The following ADAMTSL3 variants were observed in gnomAD, a reference collection of about 807,000 sequenced individuals.
ADAMTSL3 encodes the protein ADAMTS like 3.
ADAMTSL3 carries 128 observed loss-of-function variants against 201.7 expected under a neutral mutation model. The ratio of observed to expected loss-of-function variants is 0.63; its 90% CI spans 0.55 to 0.73. The LOEUF (loss-of-function observed/expected upper bound fraction) is 0.73. Among genes scored for constraint, ADAMTSL3 ranks in the 30% least tolerant of loss-of-function variants. The pLI is 0.00. For synonymous variants in ADAMTSL3, 738 were observed against 748.4 expected, an observed-to-expected ratio of 0.99 and a Z score of 0.23; for missense variants, 1,990 against 2,119.6, an observed-to-expected ratio of 0.94 and a Z score of 1.20.
intron 2 of ADAMTSL3, among the ~76,000 whole-genome samples, chr15:83,658,681 T>A (rs968367312): frequency 6.6e-6 from 1 of 152,238 alleles, no homozygotes; most frequent in African/African-American, 2.4e-5. Context: ...CAGCAGCTGC[T>A]GTTCCTACTC....
At chr15:83,780,761 C>T (rs985548629) in intron 4 of ADAMTSL3, among the ~76,000 whole-genome samples, 2 of 152,216 alleles carry the variant, frequency 1.3e-5, no homozygotes, top group Non-Finnish European at 2.9e-5. Flanking sequence ...TCAGCAAAGT[C>T]TCAGGATACA....
intron 19 of ADAMTSL3, among the ~76,000 whole-genome samples, chr15:83,954,678 G>T (rs530421783): frequency 6.6e-6 from 1 of 152,278 alleles, no homozygotes; most frequent in East Asian, 1.9e-4. Flanking sequence ...AGTATTCAAA[G>T]GGACTTGGGC....
chr15:84,036,935 A>C lies in ADAMTSL3; in HGVS notation c.4917A>C (p.Val1639=). 6.2e-7 allele frequency: 1 copy of C among 1,614,136 alleles called. No homozygotes were observed. Among genetic ancestry groups the C allele is most frequent in the Non-Finnish European group, 8.5e-7 (1 of 1,180,026 alleles). The change falls in exon 29 of 30, where the codon GTA becomes GTC. Residue 1639 remains valine (V), a synonymous_variant. Transcript: ENST00000286744. ...SCKPVAKRHC[V]QKKKPISWRH... ...AACCTGTGGCCAAGAGACACTGTGT[A>C]CAGAAAAAGAAACCAATTTCCTGGC...
chr15:83,942,679 G>C lies in ADAMTSL3; in HGVS notation c.2201G>C (p.Gly734Ala). 1 of 1,614,092 alleles carries C rather than the reference G, an allele frequency of 6.2e-7. No individual in the cohort carries two copies. The highest frequency in any genetic ancestry group is 1.1e-5 in the South Asian group (1 of 91,084). The part of the protein sequence containing the change: ...QTRDVYCLHP[G>A]ETPAPPEECR... ...CGAGATGTGTACTGCCTGCACCCAG[G>C]GGAGACCCCTGCCCCTCCTGAGGAG... Residue 734 changes from glycine (G) to alanine (A), a missense_variant, in exon 18 of 30, where the codon GGG becomes GCG. By Grantham distance (60) the Gly-to-Ala change is moderately conservative. Transcript: ENST00000286744.
intron 19 of ADAMTSL3, among the ~76,000 whole-genome samples, chr15:83,959,322 G>T (rs531659460): frequency 6.6e-6 from 1 of 152,114 alleles, no homozygotes; most frequent in African/African-American, 2.4e-5. Flanking sequence ...TCAGTTACTC[G>T]GGAGGCTGAG....
chr15:83,835,541 C>T (rs1169684462), intron 6 of ADAMTSL3, among the ~76,000 whole-genome samples: 5 of 152,162 alleles, frequency 3.3e-5, no homozygotes. Flanking sequence ...CTCCTAAGCC[C>T]ACGCCCTTCC....
intron 7 of ADAMTSL3, among the ~76,000 whole-genome samples, chr15:83,845,595 G>T (rs2064480911): frequency 6.6e-6 from 1 of 152,090 alleles, no homozygotes; most frequent in Admixed American, 6.5e-5. Flanking sequence ...AAATCTTCTA[G>T]CTCTGAAAAT....
chr15:83,967,009 C>G (rs1430860708), intron 19 of ADAMTSL3, among the ~76,000 whole-genome samples: 3 of 152,128 alleles, frequency 2.0e-5, no homozygotes, highest in Non-Finnish European at 4.4e-5. Context: ...TCTCAATAAA[C>G]TAGGTATTGA....
chr15:83,741,584 G>T (rs1396157317), intron 3 of ADAMTSL3, among the ~76,000 whole-genome samples: 1 of 152,120 alleles, frequency 6.6e-6, no homozygotes, highest in Non-Finnish European at 1.5e-5. Context: ...TATTAAGACT[G>T]TAAAGGAGGA....
chr15:83,962,646 A>T (rs541488710), intron 19 of ADAMTSL3: 118 of 152,320 alleles, frequency 7.7e-4, no homozygotes, highest in African/African-American at 2.8e-3. Context: ...GTGATTTTTT[A>T]AAAACTTTCC....
At chr15:83,741,975 A>ATG in intron 3 of ADAMTSL3, among the ~76,000 whole-genome samples, 1 of 152,308 alleles carries the variant, frequency 6.6e-6, no homozygotes, top group East Asian at 1.9e-4. Context: ...ATATGTATAT[A>ATG]TTCAATAGAG....
intron 15 of ADAMTSL3, among the ~76,000 whole-genome samples, chr15:83,903,338 C>T (rs2065764512): frequency 6.6e-6 from 1 of 150,892 alleles, no homozygotes; most frequent in Admixed American, 6.7e-5. Context: ...TAAGCACACT[C>T]ACATTGTTGT....
At chr15:83,880,424 C>T (rs1391057667) in intron 9 of ADAMTSL3, among the ~76,000 whole-genome samples, 1 of 152,124 alleles carries the variant, frequency 6.6e-6, no homozygotes, top group Non-Finnish European at 1.5e-5. Context: ...TATCTGTTTA[C>T]ACATTGTCAA....
intron 19 of ADAMTSL3, among the ~76,000 whole-genome samples, chr15:83,956,022 T>C (rs1324977774): frequency 1.3e-5 from 2 of 152,078 alleles, no homozygotes; most frequent in Admixed American, 6.5e-5. Flanking sequence ...CTAGACTGCC[T>C]TTCAAGTTCA....
chr15:84,011,656 A>G (rs1328686086), intron 23 of ADAMTSL3, among the ~76,000 whole-genome samples: 1 of 152,196 alleles, frequency 6.6e-6, no homozygotes. Flanking sequence ...GGAAGAGAAA[A>G]TTGTCATTAT....
rs1315219559 is a variant in ADAMTSL3 at position 83,714,793 on chromosome 15, C to CTTTT, written c.189+10286_189+10287insTTTT. Among the ~76,000 whole-genome samples the CTTTT allele has an allele frequency of 1.7e-3, 97 of 57,904 alleles. 5 individuals carry two copies. The highest frequency in any genetic ancestry group is 3.9e-3 in the East Asian group (13 of 3,368). The allele number at this position is 57,904 out of a possible 152,430, so 38.0% of individuals were successfully genotyped here. On this transcript the variant is annotated intron_variant, in intron 3 of 29. Coordinates refer to ENST00000286744, the MANE Select transcript of ADAMTSL3 (RefSeq NM_207517.3). ...TTTCTTTCTTTCTTTCTTTTTCTTTCTCTCTCTTTCTTTCTTCTTTCTTTC... is the reference window on the plus strand; with the variant it reads ...TTTCTTTCTTTCTTTCTTTTTCTTTCTTTTTCTCTCTTTCTTTCTTCTTTCTTTC...
chr15:83,988,817 A>G lies in ADAMTSL3; in HGVS notation c.3843A>G (p.Ala1281=), dbSNP rs757940059. Residue 1281 remains alanine, a splice_region_variant and synonymous_variant, in exon 22 of 30, where the codon GCA becomes GCG. Transcript: ENST00000286744. ...SDVESSSVLY[A]EAPVILSVER... is the part of the protein sequence containing the mutation. ...TGGAAAGTTCTTCTGTGCTGTATGC[A>G]GGTAATGCCCACTGTTGAAATCTAG... 8 of 1,516,042 alleles carry G rather than the reference A, an allele frequency of 5.3e-6. No homozygotes were observed. The East Asian group carries it at 1.4e-4, about 27-fold the overall frequency. The allele number at this position is 1,516,042 out of a possible 1,614,324, so 93.9% of individuals were successfully genotyped here. A position where few individuals can be genotyped will look rare whatever the true frequency, so the allele number is the denominator to read the frequency against.
At position 83,885,129 on chromosome 15, in the gene ADAMTSL3, T is replaced by A. The variant is rs2141869811; in HGVS notation, c.989T>A (p.Val330Glu). ...AGGTACACTGCAGCCAAAGACAGCGTGGTTCAGTTCTTCTTTTACCAGCCC... is the reference window on the plus strand; with the variant it reads ...AGGTACACTGCAGCCAAAGACAGCGAGGTTCAGTTCTTCTTTTACCAGCCC... ...KTRYTAAKDS[V>E]VQFFFYQPIS... Residue 330 changes from valine to glutamate, a missense_variant, in exon 10 of 30, where the codon GTG becomes GAG. Coordinates refer to ENST00000286744, the MANE Select transcript of ADAMTSL3 (RefSeq NM_207517.3). The A allele has an allele frequency of 6.2e-7, 1 of 1,614,128 alleles. No homozygotes were observed. Among genetic ancestry groups the A allele is most frequent in the South Asian group, 1.1e-5 (1 of 91,062 alleles).
intron 7 of ADAMTSL3, among the ~76,000 whole-genome samples, chr15:83,855,119 G>C (rs2064704268): frequency 6.6e-6 from 1 of 152,056 alleles, no homozygotes; most frequent in Non-Finnish European, 1.5e-5. Flanking sequence ...CTTTGTTCTG[G>C]CCTTTACTTC....
Sources: gnomAD v4.1 joint callset for allele counts (sites outside exome capture counted in the v4.1 genomes callset) on GRCh38, gnomAD v4.1.1 for gene constraint, MANE v1.5 for transcripts, NCBI Gene and HGNC (gene_info 2026-07-23, HGNC 2026-07-21) for gene names.